The following EFCAB8 variants were observed in gnomAD, a reference collection of about 807,000 sequenced individuals.
The protein encoded by EFCAB8 is EF-hand calcium-binding domain-containing protein 8.
Under a neutral mutation model 116.3 loss-of-function variants are expected in EFCAB8, and 100 were observed. That is an observed-to-expected ratio of 0.86 (90% CI 0.73 to 1.02). The LOEUF (loss-of-function observed/expected upper bound fraction) is 1.02, where lower values mean the gene tolerates loss of function less well. Ranked by LOEUF, EFCAB8 falls within the 50% of genes least tolerant of loss-of-function variation. EFCAB8 has a pLI of 0.00. For missense variants in EFCAB8, 1,320 were observed against 1,416.9 expected, an observed-to-expected ratio of 0.93 and a Z score of 1.10; for synonymous variants, 558 against 567.9, an observed-to-expected ratio of 0.98 and a Z score of 0.25.
At chr20:32,950,482 G>T (rs1568948260) in intron 23 of EFCAB8, among the ~76,000 whole-genome samples, 1 of 152,162 alleles carries the variant, frequency 6.6e-6, no homozygotes, top group African/African-American at 2.4e-5. Flanking sequence ...AACCTGAGAG[G>T]GGCGGCTGGC....
chr20:32,868,368 C>G (rs1178406489), intron 3 of EFCAB8, among the ~76,000 whole-genome samples: 2 of 152,202 alleles, frequency 1.3e-5, no homozygotes, highest in Non-Finnish European at 1.5e-5. Flanking sequence ...CAACCCTGAT[C>G]AGCATCTTTG....
Position 32,917,318 on chromosome 20 carries a change from C to T in EFCAB8, c.1874C>T (p.Pro625Leu), listed in dbSNP as rs1363024379. The stretch of plus-strand genomic sequence containing the variant: ...ATGCACAGGTTCCACAAGACCAAGC[C>T]AGTGCTCTTGTGCTACCACTGGCAG... Reference protein sequence around the residue: ...ITHFLFHKTKPVLLCYHWQTY... With the variant: ...ITHFLFHKTKLVLLCYHWQTY... Residue 625 changes from proline to leucine, a missense_variant, in exon 18 of 27, where the codon CCA becomes CTA. Transcript: ENST00000400522. The T allele has an allele frequency of 2.6e-6, 4 of 1,551,564 alleles. No individual in the cohort carries two copies. Among genetic ancestry groups the T allele is most frequent in the Non-Finnish European group, 3.5e-6 (4 of 1,146,878 alleles).
intron 23 of EFCAB8, among the ~76,000 whole-genome samples, chr20:32,952,384 A>G (rs1988827097): frequency 6.6e-6 from 1 of 152,130 alleles, no homozygotes; most frequent in African/African-American, 2.4e-5. Context: ...TATAGTTTTC[A>G]CTCTTACTTT....
chr20:32,869,239 A>AT lies in EFCAB8; in HGVS notation c.208+1507dup, dbSNP rs558913991. Among the ~76,000 whole-genome samples, 1,299 of 144,218 alleles carry AT rather than the reference A, an allele frequency of 9.0e-3. 8 individuals are homozygous for AT. The highest frequency in any genetic ancestry group is 0.016 in the African/African-American group (643 of 39,580). 94.6% of individuals were successfully genotyped at this position (144,218 alleles called of 152,430 possible). ...AAACTCCAGCAAGATGGGTGTTGCAATTTTTTTTTTTTTTTGAGACGGAGT... is the reference window on the plus strand; with the variant it reads ...AAACTCCAGCAAGATGGGTGTTGCAATTTTTTTTTTTTTTTTGAGACGGAGT... On this transcript the variant is annotated intron_variant, in intron 3 of 26. Coordinates refer to ENST00000400522, the MANE Select transcript of EFCAB8 (RefSeq NM_001143967.2).
intron 11 of EFCAB8, among the ~76,000 whole-genome samples, chr20:32,899,265 C>T (rs894552135): frequency 3.3e-5 from 5 of 150,594 alleles, no homozygotes; most frequent in Non-Finnish European, 5.9e-5. Context: ...ATTAGCCGGG[C>T]GTGGTGGTAA....
At chr20:32,860,644 T>A (rs781776552) in intron 1 of EFCAB8, among the ~76,000 whole-genome samples, 6 of 151,914 alleles carry the variant, frequency 3.9e-5, no homozygotes, top group Non-Finnish European at 7.4e-5. Context: ...GTAGCTGGGA[T>A]TACAGACGTC....
chr20:32,878,962 C>T (rs1281838987), intron 5 of EFCAB8, among the ~76,000 whole-genome samples, 155 bp downstream of exon 5: 1 of 152,176 alleles, frequency 6.6e-6, no homozygotes, highest in Non-Finnish European at 1.5e-5. Flanking sequence ...TCATTTCAAC[C>T]TCACAGCCCT....
At chr20:32,928,364 T>A (rs1987756916) in intron 20 of EFCAB8, among the ~76,000 whole-genome samples, 1 of 151,930 alleles carries the variant, frequency 6.6e-6, no homozygotes. Context: ...GCCTCATGGG[T>A]AGCTGGGATT....
chr20:32,889,172 G>A, intron 6 of EFCAB8, 129 bp from the exon 7 acceptor site: 2 of 702,808 alleles, frequency 2.8e-6, no homozygotes, highest in Non-Finnish European at 4.8e-6. Flanking sequence ...ACTAGACTTA[G>A]TGGTAGTGCT....
chr20:32,928,575 T>A (rs1987763807), intron 20 of EFCAB8, among the ~76,000 whole-genome samples: 1 of 152,160 alleles, frequency 6.6e-6, no homozygotes, highest in Non-Finnish European at 1.5e-5. Context: ...TATCCTGCCA[T>A]TTTGCTGAAT....
chr20:32,912,930 C>T, intron 17 of EFCAB8, 66 bp downstream of exon 17: 3 of 691,236 alleles, frequency 4.3e-6, no homozygotes, highest in Non-Finnish European at 5.4e-6. Context: ...AGATGGGTTC[C>T]TCCATTCCTG....
intron 23 of EFCAB8, among the ~76,000 whole-genome samples, chr20:32,954,442 G>A (rs1988899916): frequency 6.6e-6 from 1 of 152,170 alleles, no homozygotes; most frequent in East Asian, 1.9e-4. Context: ...GGCTATATAT[G>A]TGAGGCTTTA....
At chr20:32,921,532 A>G (rs1276098176) in intron 20 of EFCAB8, among the ~76,000 whole-genome samples, 1 of 152,060 alleles carries the variant, frequency 6.6e-6, no homozygotes, top group East Asian at 1.9e-4. Flanking sequence ...TTCTCTTTAA[A>G]AAAATACCTT....
rs1256785036 is a variant in EFCAB8 at position 32,893,386 on chromosome 20, T to C, written c.883+88T>C. 16 of 1,509,128 alleles carry C rather than the reference T, an allele frequency of 1.1e-5. No individual in the cohort carries two copies. In the Admixed American group the frequency reaches 3.3e-4, roughly 31 times the overall value. 93.5% of individuals were successfully genotyped at this position (1,509,128 alleles called of 1,614,324 possible). ...TCATCCTGGTCCCCGAGCCCCCCAC[T>C]CCCTGCCTCTGCTCTGGAGTCTCTG... On this transcript the variant is annotated intron_variant, in intron 9 of 26. Coordinates refer to ENST00000400522, the MANE Select transcript of EFCAB8 (RefSeq NM_001143967.2).
intron 20 of EFCAB8, among the ~76,000 whole-genome samples, chr20:32,927,326 TG>T (rs1987711147): frequency 6.6e-6 from 1 of 152,100 alleles, no homozygotes; most frequent in South Asian, 2.1e-4. Context: ...CACCATGATT[TG>T]TTTATTTATT....
At chr20:32,864,204 T>C (rs1600354137) in intron 2 of EFCAB8, among the ~76,000 whole-genome samples, 1 of 151,248 alleles carries the variant, frequency 6.6e-6, no homozygotes, top group Middle Eastern at 3.4e-3. Context: ...CTCAAACTCC[T>C]GACCTCATGA....
At chr20:32,917,744 A>C (rs1459885416) in intron 18 of EFCAB8, among the ~76,000 whole-genome samples, 3 of 152,226 alleles carry the variant, frequency 2.0e-5, no homozygotes, top group Non-Finnish European at 4.4e-5. Flanking sequence ...ACAGCCAAGA[A>C]GGAGTAGACC....
At chr20:32,904,134 G>A (rs1986559679) in intron 11 of EFCAB8, among the ~76,000 whole-genome samples, 1 of 151,826 alleles carries the variant, frequency 6.6e-6, no homozygotes, top group Admixed American at 6.6e-5. Context: ...AGCTGGGACT[G>A]CAGGTGCACC....
Position 32,911,621 on chromosome 20 carries a change from A to AC in EFCAB8, c.1700dup (p.Gly568ArgfsTer30). ...GGATGAGTCAGAGCGGTGCCTGCTC[A>AC]CAGGTTTGCGGGATGGCACAATGAA... On this transcript the variant is annotated frameshift_variant, in exon 16 of 27. Transcript: ENST00000400522. LOFTEE classifies it high-confidence loss of function. 1.3e-6 allele frequency: 2 copies of AC among 1,551,740 alleles called. No homozygotes were observed. The highest frequency in any genetic ancestry group is 2.4e-5 in the South Asian group (2 of 84,054).
Sources: gnomAD v4.1 joint callset for allele counts (sites outside exome capture counted in the v4.1 genomes callset) on GRCh38, gnomAD v4.1.1 for gene constraint, MANE v1.5 for transcripts, NCBI Gene and HGNC (gene_info 2026-07-23, HGNC 2026-07-21) for gene names.